TRPM3: variants seen among roughly 807,000 people sequenced by gnomAD.
TRPM3 encodes the protein transient receptor potential cation channel subfamily M member 3.
A neutral mutation model predicts 181.2 loss-of-function variants in TRPM3; 77 were observed. The observed-to-expected ratio is 0.42, with a 90% CI of 0.35 to 0.51. The LOEUF (loss-of-function observed/expected upper bound fraction) is 0.51, where lower values mean the gene tolerates loss of function less well. Ranked by LOEUF, TRPM3 falls within the 20% of genes least tolerant of loss-of-function variation. The pLI is 0.01. For synonymous variants in TRPM3, 745 were observed against 796.4 expected, an observed-to-expected ratio of 0.94 and a Z score of 1.09; for missense variants, 1,759 against 2,196.7, an observed-to-expected ratio of 0.80 and a Z score of 3.98.
chr9:71,223,327 G>A (rs143191376), intron 1 of TRPM3, among the ~76,000 whole-genome samples: 1 of 152,206 alleles, frequency 6.6e-6, no homozygotes, highest in African/African-American at 2.4e-5. Context: ...TGACTTAAAG[G>A]GAAGGACCCA....
intron 5 of TRPM3, among the ~76,000 whole-genome samples, chr9:70,838,027 A>G (rs1195967927): frequency 6.6e-6 from 1 of 152,220 alleles, no homozygotes; most frequent in Non-Finnish European, 1.5e-5. Context: ...ATAAAAGCTC[A>G]ATAAATTATA....
chr9:71,017,825 G>A (rs2097796770), intron 1 of TRPM3, among the ~76,000 whole-genome samples: 1 of 151,678 alleles, frequency 6.6e-6, no homozygotes, highest in Non-Finnish European at 1.5e-5. Context: ...ATAAGCAACA[G>A]ATTTGACCTA....
intron 1 of TRPM3, among the ~76,000 whole-genome samples, chr9:71,412,306 C>G (rs376364233): frequency 6.6e-6 from 1 of 152,154 alleles, no homozygotes; most frequent in African/African-American, 2.4e-5. Context: ...TCAGAATGAA[C>G]AGGCAACCTA....
At chr9:70,869,980 A>C (rs940723707) in intron 1 of TRPM3, among the ~76,000 whole-genome samples, 4 of 152,074 alleles carry the variant, frequency 2.6e-5, no homozygotes, top group Non-Finnish European at 5.9e-5. Context: ...GAAGGCAAAA[A>C]TACTTTTTAA....
At chr9:70,997,820 G>A (rs570113539) in intron 1 of TRPM3, among the ~76,000 whole-genome samples, 1 of 152,138 alleles carries the variant, frequency 6.6e-6, no homozygotes, top group East Asian at 1.9e-4. Flanking sequence ...ATGTTTGGGA[G>A]GGTGAACTGT....
At chr9:70,833,485 G>A (rs1392761943) in intron 5 of TRPM3, among the ~76,000 whole-genome samples, 1 of 152,082 alleles carries the variant, frequency 6.6e-6, no homozygotes, top group Non-Finnish European at 1.5e-5. Flanking sequence ...CTTATTGCAT[G>A]CCAGGCACTG....
At chr9:70,699,933 A>C (rs986419308) in intron 8 of TRPM3, among the ~76,000 whole-genome samples, 5 of 152,154 alleles carry the variant, frequency 3.3e-5, no homozygotes, top group African/African-American at 1.2e-4. Flanking sequence ...GATGACTCCA[A>C]GTTCTTTGGC....
At chr9:70,760,550 T>C (rs2077936931) in intron 8 of TRPM3, 1 of 151,708 alleles carries the variant, frequency 6.6e-6, no homozygotes, top group East Asian at 1.9e-4. Flanking sequence ...CTAGGTATTG[T>C]CCTATTCTTC....
At chr9:71,043,939 G>A (rs773919064) in intron 1 of TRPM3, among the ~76,000 whole-genome samples, 8 of 151,900 alleles carry the variant, frequency 5.3e-5, no homozygotes, top group South Asian at 2.1e-4. Flanking sequence ...GCATCATGTC[G>A]CATCACTCCT....
chr9:70,785,123 T>C (rs1318676607), intron 6 of TRPM3, among the ~76,000 whole-genome samples: 1 of 152,224 alleles, frequency 6.6e-6, no homozygotes, highest in Non-Finnish European at 1.5e-5. Flanking sequence ...CATCTGCCAC[T>C]ACTGAGCAAG....
chr9:71,003,209 A>AAC (rs1415357837), intron 1 of TRPM3, among the ~76,000 whole-genome samples: 3 of 151,548 alleles, frequency 2.0e-5, no homozygotes, highest in Non-Finnish European at 4.4e-5. Flanking sequence ...AAAAAAAAAA[A>AAC]AACACTTAAC....
chr9:70,859,164 C>T (rs370775909), intron 3 of TRPM3, among the ~76,000 whole-genome samples: 301 of 152,260 alleles, frequency 2.0e-3, no homozygotes, highest in African/African-American at 7.0e-3. Flanking sequence ...ATTTCTCTGT[C>T]CCTGCAAGGA....
At chr9:71,344,937 T>C (rs938907826) in intron 1 of TRPM3, among the ~76,000 whole-genome samples, 1 of 152,170 alleles carries the variant, frequency 6.6e-6, no homozygotes, top group Non-Finnish European at 1.5e-5. Flanking sequence ...GCCAAGGATA[T>C]GAACAGACAT....
At chr9:71,048,896 A>G (rs542964820) in intron 1 of TRPM3, among the ~76,000 whole-genome samples, 1 of 152,314 alleles carries the variant, frequency 6.6e-6, no homozygotes, top group Admixed American at 6.5e-5. Flanking sequence ...ACTTAATGGA[A>G]AAGGGACATG....
chr9:70,896,077 A>G (rs1405347313), intron 1 of TRPM3, among the ~76,000 whole-genome samples: 1 of 152,224 alleles, frequency 6.6e-6, no homozygotes, highest in Non-Finnish European at 1.5e-5. Flanking sequence ...AGATCATTAG[A>G]GATTAAGAGT....
intron 3 of TRPM3, among the ~76,000 whole-genome samples, chr9:70,861,997 A>G (rs2095533816): frequency 6.6e-6 from 1 of 151,948 alleles, no homozygotes; most frequent in South Asian, 2.1e-4. Context: ...AAGAAAAGAG[A>G]AGAAAGAGGT....
rs75182803 is a variant in TRPM3 at position 71,005,920 on chromosome 9, A to G, written c.177+115258T>C. ...TAATATGTAAGCCACTTAAATTTTA[A>G]GTATGAAGACTAACAGATAAAATTA... On this transcript the variant is annotated intron_variant, in intron 1 of 25. Coordinates refer to ENST00000677713, the MANE Select transcript of TRPM3 (RefSeq NM_001366145.2). 6.2e-3 allele frequency among the ~76,000 whole-genome samples: 951 copies of G among 152,324 alleles called. 9 individuals are homozygous for G. The highest frequency in any genetic ancestry group is 0.021 in the African/African-American group (881 of 41,570).
chr9:70,646,762 A>T (rs1461590657), intron 9 of TRPM3, among the ~76,000 whole-genome samples: 1 of 152,024 alleles, frequency 6.6e-6, no homozygotes, highest in East Asian at 1.9e-4. Context: ...TTTTGAAAAA[A>T]TACATAAGAT....
chr9:71,255,244 T>G (rs2082598909), intron 1 of TRPM3, among the ~76,000 whole-genome samples: 1 of 152,222 alleles, frequency 6.6e-6, no homozygotes, highest in African/African-American at 2.4e-5. Flanking sequence ...AAAAATATTT[T>G]TACTAATTTT....
Sources: gnomAD v4.1 joint callset for allele counts (sites outside exome capture counted in the v4.1 genomes callset) on GRCh38, gnomAD v4.1.1 for gene constraint, MANE v1.5 for transcripts, NCBI Gene and HGNC (gene_info 2026-07-23, HGNC 2026-07-21) for gene names.